The following RBPJ variants were observed in gnomAD, a reference collection of about 807,000 sequenced individuals.
RBPJ encodes the protein recombining binding protein suppressor of hairless.
A neutral mutation model predicts 67.8 loss-of-function variants in RBPJ; 9 were observed. The observed-to-expected ratio is 0.13, with a 90% CI of 0.08 to 0.23. The LOEUF is 0.23. Among genes scored for constraint, RBPJ ranks in the 10% least tolerant of loss-of-function variants. The pLI is 1.00. For synonymous variants in RBPJ, 198 were observed against 203.3 expected, an observed-to-expected ratio of 0.97 and a Z score of 0.22; for missense variants, 305 against 595.6, an observed-to-expected ratio of 0.51 and a Z score of 5.08.
chr4:26,248,242 G>A (rs1719992119), intron 1 of RBPJ, among the ~76,000 whole-genome samples: 1 of 152,108 alleles, frequency 6.6e-6, no homozygotes, highest in African/African-American at 2.4e-5. Context: ...AATGAGCCGA[G>A]ACCATGCCAT....
At chr4:26,242,872 C>A (rs528376285) in intron 1 of RBPJ, among the ~76,000 whole-genome samples, 1 of 152,120 alleles carries the variant, frequency 6.6e-6, no homozygotes, top group East Asian at 1.9e-4. Flanking sequence ...GTGCTGCATG[C>A]TGAAATATGA....
upstream of RBPJ, among the ~76,000 whole-genome samples, chr4:26,161,890 A>G (rs1716089977): frequency 6.6e-6 from 1 of 152,236 alleles, no homozygotes; most frequent in Non-Finnish European, 1.5e-5. Flanking sequence ...AACTGGTGAT[A>G]CCATCCCAGT....
upstream of RBPJ, among the ~76,000 whole-genome samples, chr4:26,318,298 G>A (rs1333443086): frequency 6.6e-6 from 1 of 152,134 alleles, no homozygotes; most frequent in Admixed American, 6.5e-5. Context: ...GCCAGGCTAA[G>A]GCTGGTATAG....
chr4:26,406,448 T>G (rs1390042105), intron 3 of RBPJ, among the ~76,000 whole-genome samples, 178 bp downstream of exon 3: 1 of 152,206 alleles, frequency 6.6e-6, no homozygotes, highest in Non-Finnish European at 1.5e-5. Context: ...GGTATACTGT[T>G]AGGAATAGAT....
intron 1 of RBPJ, among the ~76,000 whole-genome samples, chr4:26,188,904 T>TAAG (rs1717376092): frequency 6.6e-6 from 1 of 152,196 alleles, no homozygotes; most frequent in African/African-American, 2.4e-5. Context: ...TTAAACAGGG[T>TAAG]AAGAATGCTG....
chr4:26,391,028 G>GGA (rs1461791214), intron 2 of RBPJ, among the ~76,000 whole-genome samples: 1 of 152,196 alleles, frequency 6.6e-6, no homozygotes, highest in Non-Finnish European at 1.5e-5. Flanking sequence ...CTGCACTCCA[G>GGA]CCTAGATGAC....
At chr4:26,167,432 G>A (rs1284324607) in intron 1 of RBPJ, among the ~76,000 whole-genome samples, 117 of 147,380 alleles carry the variant, frequency 7.9e-4, no homozygotes, top group Non-Finnish European at 1.2e-3. Flanking sequence ...GGTCCTTCAC[G>A]TCCCTTGTAA....
At chr4:26,316,807 T>C (rs1722662542), upstream of RBPJ, among the ~76,000 whole-genome samples, 1 of 138,950 alleles carries the variant, frequency 7.2e-6, no homozygotes, top group Non-Finnish European at 1.5e-5. Context: ...CAGCCTCATC[T>C]ACTGGTCTAA....
Position 26,214,412 on chromosome 4 carries a change from GAA to G in RBPJ, c.-167+50800_-167+50801del, listed in dbSNP as rs1491232410. ...GGGAGGGAGGGAGGGAAGAGAGAGA[GAA>G]AGAAAGAAAGAGAAAAAGAGAGAGA... On this transcript the variant is annotated intron_variant, in intron 1 of 4. Coordinates refer to the RBPJ transcript ENST00000512351. 1.6e-3 allele frequency among the ~76,000 whole-genome samples: 219 copies of G among 139,622 alleles called. 1 individual carries two copies. Among genetic ancestry groups the G allele is most frequent in the African/African-American group, 5.3e-3 (197 of 37,336 alleles). The allele number at this position is 139,622 out of a possible 152,430, so 91.6% of individuals were successfully genotyped here.
intron 2 of RBPJ, among the ~76,000 whole-genome samples, chr4:26,393,018 T>G (rs1229787166): frequency 6.6e-6 from 1 of 152,106 alleles, no homozygotes; most frequent in East Asian, 1.9e-4. Context: ...CAGCTAATTT[T>G]TAATTTTTAG....
the RBPJ span, among the ~76,000 whole-genome samples, chr4:26,137,901 A>C: frequency 1.3e-5 from 2 of 152,188 alleles, no homozygotes; most frequent in Non-Finnish European, 2.9e-5. Flanking sequence ...AGTTAGCTTA[A>C]CCTAATAAGG....
Position 26,424,794 on chromosome 4 carries a change from T to G in RBPJ, c.747+51T>G. On this transcript the variant is annotated intron_variant, in intron 7 of 10. Transcript: ENST00000355476. The surrounding 1 kb of genome is among the most constrained non-coding windows in gnomAD (Gnocchi z 5.3). ...ATAATGTGAAGTAAAAATTAATTTC[T>G]TAAACAGGAAAATCACAACATTCAA... The G allele has an allele frequency of 9.3e-7, 1 of 1,073,060 alleles. No homozygotes were observed. Among genetic ancestry groups the G allele is most frequent in the African/African-American group, 1.6e-5 (1 of 63,478 alleles). The allele number at this position is 1,073,060 out of a possible 1,614,324, so 66.5% of individuals were successfully genotyped here.
At chr4:26,118,561 G>T in the RBPJ span, among the ~76,000 whole-genome samples, 1 of 152,142 alleles carries the variant, frequency 6.6e-6, no homozygotes, top group Admixed American at 6.6e-5. Context: ...GGGCTTGCAG[G>T]GCAATGTGGC....
intron 1 of RBPJ, among the ~76,000 whole-genome samples, chr4:26,222,226 G>T (rs1228276330): frequency 6.6e-6 from 1 of 152,224 alleles, no homozygotes; most frequent in Non-Finnish European, 1.5e-5. Flanking sequence ...GGGCACGGTG[G>T]CTCATGCCTG....
intron 1 of RBPJ, among the ~76,000 whole-genome samples, chr4:26,338,386 C>A (rs1207815047): frequency 6.6e-6 from 1 of 151,846 alleles, no homozygotes; most frequent in African/African-American, 2.4e-5. Flanking sequence ...AATCTCTTGA[C>A]CTCGTGATCT....
chr4:26,174,917 T>A (rs1359077987), intron 1 of RBPJ, among the ~76,000 whole-genome samples: 2 of 152,184 alleles, frequency 1.3e-5, no homozygotes, highest in African/African-American at 4.8e-5. Flanking sequence ...AAATAAATTT[T>A]TCTTAGAAAA....
intron 1 of RBPJ, among the ~76,000 whole-genome samples, chr4:26,357,568 G>A (rs2109475710): frequency 6.6e-6 from 1 of 152,238 alleles, no homozygotes; most frequent in Admixed American, 6.5e-5. Context: ...ATTTATTGTA[G>A]CAAAATATAC....
intron 1 of RBPJ, among the ~76,000 whole-genome samples, chr4:26,281,181 C>G (rs1721261309): frequency 6.6e-6 from 1 of 152,120 alleles, no homozygotes; most frequent in Admixed American, 6.5e-5. Flanking sequence ...TTAATTGACT[C>G]ACAGTTCCGC....
At chr4:26,235,222 T>C (rs1719418289) in intron 1 of RBPJ, among the ~76,000 whole-genome samples, 1 of 152,226 alleles carries the variant, frequency 6.6e-6, no homozygotes, top group South Asian at 2.1e-4. Flanking sequence ...GCAATGTTAA[T>C]GAGAAAAAGT....
Sources: gnomAD v4.1 joint callset for allele counts (sites outside exome capture counted in the v4.1 genomes callset) on GRCh38, gnomAD v4.1.1 for gene constraint, Gnocchi (gnomAD v3.1) non-coding constraint, MANE v1.5 for transcripts, NCBI Gene and HGNC (gene_info 2026-07-23, HGNC 2026-07-21) for gene names.